SLC9A7: variants seen among roughly 807,000 people sequenced by gnomAD.
The protein encoded by SLC9A7 is solute carrier family 9 member A7.
Under a neutral mutation model 52.6 loss-of-function variants are expected in SLC9A7, and 19 were observed. The observed-to-expected ratio is 0.36, with a 90% CI of 0.25 to 0.53. The LOEUF (loss-of-function observed/expected upper bound fraction) is 0.53. Among genes scored for constraint, SLC9A7 ranks in the 20% least tolerant of loss-of-function variants. The pLI, the probability that SLC9A7 is intolerant of heterozygous loss-of-function variation, is 0.91. For missense variants in SLC9A7, 455 were observed against 597.9 expected (o/e 0.76, Z 2.49); for synonymous variants, 226 against 252.1 (o/e 0.90, Z 0.98).
In SLC9A7 at chrX:46,646,550, G is replaced by A. The variant is rs1943495401; in HGVS notation, c.1462+2136C>T. 1.5e-5 allele frequency: 3 copies of A among 195,679 alleles called. No homozygotes were observed. In the South Asian group the frequency reaches 2.6e-4, roughly 17 times the overall value. The allele number at this position is 195,679 out of a possible 1,213,427, so 16.1% of individuals were successfully genotyped here. A position where few individuals can be genotyped will look rare whatever the true frequency, so the allele number is the denominator to read the frequency against. The stretch of plus-strand genomic sequence containing the variant: ...GTGGGGAGGGGCAGAGGAAGGGACG[G>A]GCAGGGAAGGTGTTCCCGGCGAAAG... On this transcript the variant is annotated intron_variant, in intron 11 of 16. Transcript: ENST00000616978.
At chrX:46,751,255 A>C (rs1556287675) in intron 1 of SLC9A7, among the ~76,000 whole-genome samples, 1 of 111,369 alleles carries the variant, frequency 9.0e-6, no homozygotes, top group Admixed American at 9.7e-5. Context: ...CAACGTAGAG[A>C]CAGCCACCTG....
intron 3 of SLC9A7, 125 bp downstream of exon 3, chrX:46,679,552 AG>A (rs1212013930): frequency 4.1e-6 from 2 of 485,156 alleles, no homozygotes; most frequent in Admixed American, 9.5e-5. Flanking sequence ...AGTCAACTAT[AG>A]TCTCTGAGTG....
At chrX:46,727,198 A>G (rs1246244015) in intron 1 of SLC9A7, among the ~76,000 whole-genome samples, 1 of 111,373 alleles carries the variant, frequency 9.0e-6, no homozygotes, top group Non-Finnish European at 1.9e-5. Context: ...ATCTCCTACA[A>G]CTGATCCCCG....
At chrX:46,661,554 T>C (rs1045743207) in intron 7 of SLC9A7, among the ~76,000 whole-genome samples, 12 of 111,288 alleles carry the variant, frequency 1.1e-4, no homozygotes, top group African/African-American at 3.6e-4. Flanking sequence ...GTTTTTTTAG[T>C]TTGTTTAAAC....
rs746852693 is a variant in SLC9A7, at chrX:46,681,392, G to C, written c.525+944C>G. 1.4e-3 allele frequency among the ~76,000 whole-genome samples: 154 copies of C among 112,370 alleles called. 1 individual carries two copies. The highest frequency in any genetic ancestry group is 5.8e-3 in the Admixed American group (62 of 10,614). On this transcript the variant is annotated intron_variant, in intron 2 of 16. Coordinates refer to ENST00000616978, the MANE Select transcript of SLC9A7 (RefSeq NM_001257291.2). The stretch of plus-strand genomic sequence containing the variant: ...TTCAGAATGTTTATGAAAACCCCAT[G>C]CTTTCTTATGAAGAGTTGAGAGCAA...
chrX:46,747,436 A>C lies in SLC9A7; in HGVS notation c.325+11269T>G, dbSNP rs191351591. Among the ~76,000 whole-genome samples the C allele has an allele frequency of 4.5e-5, 5 of 112,039 alleles. No homozygotes were observed. In the East Asian group the frequency reaches 1.4e-3, roughly 31 times the overall value. On this transcript the variant is annotated intron_variant, in intron 1 of 16. Transcript: ENST00000616978. ...TACATCTATTATGCATCAATTTTTA[A>C]ATTGTTTTAAAATAAAGCAACATGA...
At chrX:46,672,849 T>C (rs1223138199) in intron 3 of SLC9A7, among the ~76,000 whole-genome samples, 5 of 112,478 alleles carry the variant, frequency 4.4e-5, no homozygotes, top group Non-Finnish European at 9.4e-5. Flanking sequence ...AGCAAGGACT[T>C]AGTAAATTTT....
chrX:46,633,714 C>T (rs1339089749), intron 13 of SLC9A7, among the ~76,000 whole-genome samples: 2 of 106,854 alleles, frequency 1.9e-5, no homozygotes, highest in Admixed American at 1.0e-4. Flanking sequence ...CTCTGTCACC[C>T]AGGATGGAGT....
chrX:46,626,143 AAAAAAC>A (rs946705345), intron 14 of SLC9A7, among the ~76,000 whole-genome samples: 1 of 112,560 alleles, frequency 8.9e-6, no homozygotes, highest in African/African-American at 3.2e-5. Flanking sequence ...GTCCCTTAAA[AAAAAAC>A]AAAAACAAAA....
intron 1 of SLC9A7, among the ~76,000 whole-genome samples, chrX:46,703,256 T>G (rs1051900724): frequency 3.0e-4 from 34 of 112,250 alleles, no homozygotes; most frequent in African/African-American, 9.7e-4. Context: ...GCAGAAGCTC[T>G]TTAATCAGGT....
chrX:46,667,405 G>T (rs1943939364), intron 5 of SLC9A7, among the ~76,000 whole-genome samples: 1 of 110,833 alleles, frequency 9.0e-6, no homozygotes, highest in East Asian at 2.8e-4. Flanking sequence ...TGAACATTGA[G>T]ATTCTTCAGA....
intron 10 of SLC9A7, among the ~76,000 whole-genome samples, chrX:46,649,414 T>C (rs11797818): frequency 0.085 from 9,573 of 112,200 alleles, 436 homozygotes; most frequent in Non-Finnish European, 0.14. Context: ...CCCAGGGAGA[T>C]ATTTCTCTAC....
In SLC9A7 at chrX:46,694,111, C is replaced by A. The variant is rs149859984; in HGVS notation, c.326-11576G>T. Among the ~76,000 whole-genome samples, 718 of 109,210 alleles carry A rather than the reference C, an allele frequency of 6.6e-3. 5 individuals carry two copies. Among genetic ancestry groups the A allele is most frequent in the African/African-American group, 0.023 (689 of 29,952 alleles). 94.8% of individuals were successfully genotyped at this position (109,210 alleles called of 115,157 possible). On this transcript the variant is annotated intron_variant, in intron 1 of 16. Transcript: ENST00000616978. ...GTGTACTATGCTCACTACCTGGGTG[C>A]AATATACTCATGTAACAAACCTACA...
chrX:46,603,402 T>A lies in SLC9A7; in HGVS notation c.*3550A>T, dbSNP rs1942690084. On this transcript the variant is annotated 3_prime_UTR_variant, in exon 17 of 17. Transcript: ENST00000616978. Reference sequence around the variant, plus strand: ...TATGTGAGTAGATCAGAATCAAATGTTTGCAGTGAAGACTACAAGACCCTT... The same window carrying A: ...TATGTGAGTAGATCAGAATCAAATGATTGCAGTGAAGACTACAAGACCCTT... 1 of 112,253 alleles carries A rather than the reference T, an allele frequency of 8.9e-6. No homozygotes were observed. Among genetic ancestry groups the A allele is most frequent in the Admixed American group, 9.4e-5 (1 of 10,603 alleles). 9.3% of individuals were successfully genotyped at this position (112,253 alleles called of 1,213,427 possible).
chrX:46,668,111 C>A (rs1943951007), intron 5 of SLC9A7, among the ~76,000 whole-genome samples: 1 of 112,096 alleles, frequency 8.9e-6, no homozygotes, highest in Non-Finnish European at 1.9e-5. Context: ...TTATTTAACC[C>A]AAATGCTATG....
chrX:46,750,751 AT>A (rs1324248232), intron 1 of SLC9A7, among the ~76,000 whole-genome samples: 7 of 111,869 alleles, frequency 6.3e-5, no homozygotes, highest in Admixed American at 1.9e-4. Context: ...AACAGTTACT[AT>A]TTTTTTCTAC....
intron 1 of SLC9A7, among the ~76,000 whole-genome samples, chrX:46,711,984 A>C (rs1414757316): frequency 9.0e-6 from 1 of 110,513 alleles, no homozygotes. Flanking sequence ...ATATGATCAT[A>C]TTTGGCTGCA....
At chrX:46,672,950 C>G (rs1313679340) in intron 3 of SLC9A7, among the ~76,000 whole-genome samples, 1 of 112,036 alleles carries the variant, frequency 8.9e-6, no homozygotes, top group Non-Finnish European at 1.9e-5. Flanking sequence ...ATCATTTTTA[C>G]AGATTTAACC....
chrX:46,690,526 G>GATATT (rs1333318203), intron 1 of SLC9A7, among the ~76,000 whole-genome samples: 3 of 111,731 alleles, frequency 2.7e-5, no homozygotes, highest in Middle Eastern at 4.6e-3. Context: ...TCAGATATAT[G>GATATT]ATTTGCAAAT....
Sources: allele counts gnomAD v4.1 joint callset (sites outside exome capture counted in the v4.1 genomes callset), GRCh38; gene constraint gnomAD v4.1.1; transcripts MANE v1.5; gene names NCBI Gene and HGNC (gene_info 2026-07-23, HGNC 2026-07-21).